The following LMNB1 variants were observed in gnomAD, a reference collection of about 807,000 sequenced individuals.
The protein encoded by LMNB1 is lamin B1.
LMNB1 carries 23 observed loss-of-function variants against 67.1 expected under a neutral mutation model. The ratio of observed to expected loss-of-function variants is 0.34; its 90% CI spans 0.25 to 0.49. The LOEUF (loss-of-function observed/expected upper bound fraction) is 0.49. LMNB1 is among the 20% of genes least tolerant of loss of function. LMNB1 has a pLI of 0.99. For synonymous variants in LMNB1, 281 were observed against 282.9 expected (o/e 0.99, Z 0.07); for missense variants, 634 against 746.5 (o/e 0.85, Z 1.76).
rs75278368 is a variant in LMNB1 at position 126,815,810 on chromosome 5, C to T, written c.940-3112C>T. On this transcript the variant is annotated intron_variant, in intron 5 of 10. Transcript: ENST00000261366. Reference sequence around the variant, plus strand: ...CACTACACAGGTGTAAGTGCAGCTACTGAAAATAGAATTTAAATATTTCTA... The same window carrying T: ...CACTACACAGGTGTAAGTGCAGCTATTGAAAATAGAATTTAAATATTTCTA... Among the ~76,000 whole-genome samples, 236 of 152,240 alleles carry T rather than the reference C, an allele frequency of 1.6e-3. 2 individuals carry two copies. The East Asian group carries it at 0.031, about 20-fold the overall frequency.
intron 1 of LMNB1, among the ~76,000 whole-genome samples, chr5:126,797,359 G>A (rs1055316499): frequency 1.3e-5 from 2 of 152,166 alleles, no homozygotes; most frequent in African/African-American, 4.8e-5. Flanking sequence ...AGATTCACAT[G>A]TTGAATTTAA....
Position 126,804,929 on chromosome 5 carries a change from C to G in LMNB1, c.513C>G (p.Ala171=), listed in dbSNP as rs1366938462. 6.2e-7 allele frequency: 1 copy of G among 1,613,494 alleles called. No individual in the cohort carries two copies. Among genetic ancestry groups the G allele is most frequent in the Admixed American group, 1.7e-5 (1 of 59,960 alleles). Residue 171 remains alanine (A), a synonymous_variant, in exon 2 of 11, where the codon GCC becomes GCG. Coordinates refer to ENST00000261366, the MANE Select transcript of LMNB1 (RefSeq NM_005573.4). ...TGGAGGATCTGAAGGATCAGATTGCCCAGGTAAGGTCAAGCCTACTCTTGA... is the reference window on the plus strand; with the variant it reads ...TGGAGGATCTGAAGGATCAGATTGCGCAGGTAAGGTCAAGCCTACTCTTGA... ...GDLEDLKDQI[A]QLEASLAAAK... is the part of the protein sequence containing the mutation.
At position 126,836,182 on chromosome 5, in the gene LMNB1, A is replaced by G. The variant is rs199638363; in HGVS notation, c.1720-41A>G. On this transcript the variant is annotated intron_variant, in intron 10 of 10. Transcript: ENST00000261366. ...GTCTTATTTTAGAATACTGTGATCT[A>G]TTTCTTTAGTATTAATTTTTCCTTC... 6.5e-5 allele frequency: 96 copies of G among 1,482,758 alleles called. No homozygotes were observed. The African/African-American group carries it at 8.3e-4, about 13-fold the overall frequency. The allele number at this position is 1,482,758 out of a possible 1,614,324, so 91.9% of individuals were successfully genotyped here. A position where few individuals can be genotyped will look rare whatever the true frequency, so the allele number is the denominator to read the frequency against.
At chr5:126,793,191 A>T (rs1463793621) in intron 1 of LMNB1, among the ~76,000 whole-genome samples, 1 of 152,230 alleles carries the variant, frequency 6.6e-6, no homozygotes, top group Non-Finnish European at 1.5e-5. Flanking sequence ...AGTGCCTAGC[A>T]CATTGTAGAT....
At chr5:126,796,049 C>A (rs1029390948) in intron 1 of LMNB1, among the ~76,000 whole-genome samples, 3 of 149,592 alleles carry the variant, frequency 2.0e-5, no homozygotes, top group African/African-American at 7.3e-5. Context: ...TCTCCTGCCT[C>A]AGCCTCCCAA....
At chr5:126,806,592 A>G (rs925355397) in intron 3 of LMNB1, among the ~76,000 whole-genome samples, 1 of 152,052 alleles carries the variant, frequency 6.6e-6, no homozygotes, top group East Asian at 1.9e-4. Flanking sequence ...CCTAAGGGTC[A>G]GTGATGAGAA....
intron 1 of LMNB1, among the ~76,000 whole-genome samples, chr5:126,794,577 T>C (rs1364283589): frequency 6.6e-6 from 1 of 152,194 alleles, no homozygotes; most frequent in Non-Finnish European, 1.5e-5. Flanking sequence ...AGACACGGAT[T>C]TGTGTGATAG....
intron 9 of LMNB1, among the ~76,000 whole-genome samples, chr5:126,829,242 TAGTGGACCTAATCC>T (rs376709653): frequency 1.3e-5 from 2 of 152,072 alleles, no homozygotes; most frequent in South Asian, 2.1e-4. Context: ...AAAATTTAAA[TAGTGGACCTAATCC>T]AGTGGCTCAC....
At chr5:126,810,942 G>T (rs1053837300) in intron 4 of LMNB1, among the ~76,000 whole-genome samples, 3 of 152,180 alleles carry the variant, frequency 2.0e-5, no homozygotes, top group Non-Finnish European at 4.4e-5. Context: ...CCTGGTAAAT[G>T]ATTTTGCCTT....
intron 1 of LMNB1, among the ~76,000 whole-genome samples, chr5:126,791,700 C>T (rs1316869543): frequency 1.3e-5 from 2 of 151,992 alleles, no homozygotes; most frequent in Non-Finnish European, 2.9e-5. Flanking sequence ...CTCCTGAGCT[C>T]AAGTGGTCCT....
chr5:126,796,775 CTTTTTTCTTTCTTT>C (rs1751103963), intron 1 of LMNB1, among the ~76,000 whole-genome samples: 1 of 137,212 alleles, frequency 7.3e-6, no homozygotes, highest in Non-Finnish European at 1.5e-5. Context: ...TTTTCTTTTT[CTTTTTTCTTTCTTT>C]TTTTTTTTTT....
chr5:126,835,440 T>A (rs1752228475), intron 10 of LMNB1, among the ~76,000 whole-genome samples: 1 of 152,252 alleles, frequency 6.6e-6, no homozygotes, highest in South Asian at 2.1e-4. Flanking sequence ...CCATGTTGAC[T>A]TCACCTTGGA....
intron 9 of LMNB1, among the ~76,000 whole-genome samples, chr5:126,832,075 G>C (rs1388976160): frequency 6.6e-6 from 1 of 152,104 alleles, no homozygotes; most frequent in East Asian, 1.9e-4. Context: ...AGACCAGCCT[G>C]GCCAACGTGG....
At position 126,830,504 on chromosome 5, in the gene LMNB1, T is replaced by A. The variant is rs373162601; in HGVS notation, c.1612-2190T>A. ...TTTAGACATTAGCTCACCCATTTTT[T>A]ATACGGCTTTCTGTATTAGATTAAT... On this transcript the variant is annotated intron_variant, in intron 9 of 10. Transcript: ENST00000261366. 9.8e-5 allele frequency among the ~76,000 whole-genome samples: 15 copies of A among 152,374 alleles called. No homozygotes were observed. The South Asian group carries it at 2.9e-3, about 29-fold the overall frequency.
intron 7 of LMNB1, among the ~76,000 whole-genome samples, chr5:126,821,641 T>A (rs1039205857): frequency 5.9e-5 from 9 of 152,226 alleles, no homozygotes; most frequent in African/African-American, 2.2e-4. Context: ...TATTTTGAAA[T>A]ATGTTTAAAA....
chr5:126,824,009 T>C (rs1001270628), intron 8 of LMNB1, among the ~76,000 whole-genome samples: 1 of 152,232 alleles, frequency 6.6e-6, no homozygotes, highest in Non-Finnish European at 1.5e-5. Context: ...ATGCCAATCA[T>C]GTGCTTTTTC....
At chr5:126,835,861 G>C (rs547674850) in intron 10 of LMNB1, among the ~76,000 whole-genome samples, 1 of 152,256 alleles carries the variant, frequency 6.6e-6, no homozygotes, top group South Asian at 2.1e-4. Context: ...CCAAGGGCAG[G>C]TGGATCACTT....
At chr5:126,776,679 G>A (rs1216348224), upstream of LMNB1, 1 of 152,254 alleles carries the variant, frequency 6.6e-6, no homozygotes, top group African/African-American at 2.4e-5. Context: ...TGAGTTTCGC[G>A]TGTGGCTTTT....
chr5:126,780,449 CAGT>C (rs1302598889), intron 1 of LMNB1, among the ~76,000 whole-genome samples: 1 of 152,074 alleles, frequency 6.6e-6, no homozygotes, highest in Non-Finnish European at 1.5e-5. Flanking sequence ...ACCTGGCTGA[CAGT>C]AGTTGTAAAT....
Sources: gnomAD v4.1 joint callset for allele counts (sites outside exome capture counted in the v4.1 genomes callset) on GRCh38, gnomAD v4.1.1 for gene constraint, MANE v1.5 for transcripts, NCBI Gene and HGNC (gene_info 2026-07-23, HGNC 2026-07-21) for gene names.